EMC9: variants seen among roughly 807,000 people sequenced by gnomAD.
EMC9 encodes ER membrane protein complex subunit 9.
EMC9 carries 20 observed loss-of-function variants against 25.0 expected under a neutral mutation model. The observed-to-expected ratio is 0.80, with a 90% CI of 0.56 to 1.16. EMC9 has a LOEUF of 1.16. Among genes scored for constraint, EMC9 ranks in the 50% most tolerant of loss-of-function variants. The pLI, the probability that EMC9 is intolerant of heterozygous loss-of-function variation, is 0.00. For missense variants in EMC9, 256 were observed against 268.7 expected (o/e 0.95, Z 0.33); for synonymous variants, 100 against 107.0 (o/e 0.93, Z 0.40).
At position 24,139,658 on chromosome 14, in the gene EMC9, C is replaced by G; in HGVS notation, c.276-44G>C. On this transcript the variant is annotated intron_variant, in intron 3 of 5. Coordinates refer to ENST00000216799, the MANE Select transcript of EMC9 (RefSeq NM_016049.4). This position sits in a 1 kb window ranked among gnomAD's most constrained non-coding sequence, Gnocchi z 4.6. Reference sequence around the variant, plus strand: ...AGAGGAGTGAGGAGCCAACTGTGGGCAAAACCCATCCATTTGAGCTGGGCC... The same window carrying G: ...AGAGGAGTGAGGAGCCAACTGTGGGGAAAACCCATCCATTTGAGCTGGGCC... The G allele has an allele frequency of 6.3e-7, 1 of 1,599,750 alleles. No individual in the cohort carries two copies.
chr14:24,140,992 A>G (rs1193527371), intron 2 of EMC9, 27 bp from the exon 3 acceptor site: 4 of 1,614,080 alleles, frequency 2.5e-6, no homozygotes, highest in Non-Finnish European at 3.4e-6. Context: ...GCCATCAGTA[A>G]TTAAATTGTG....
In EMC9 at chr14:24,139,261, G is replaced by A. The variant is rs775553452; in HGVS notation, c.441-65C>T. The A allele has an allele frequency of 1.3e-5, 21 of 1,602,202 alleles. 1 individual carries two copies. The highest frequency in any genetic ancestry group is 1.7e-5 in the Non-Finnish European group (20 of 1,171,496). On this transcript the variant is annotated intron_variant, in intron 5 of 5. Transcript: ENST00000216799. The surrounding 1 kb of genome is among the most constrained non-coding windows in gnomAD (Gnocchi z 4.6). Reference sequence around the variant, plus strand: ...TGGGTCCAGACACAGACTTAACAGAGATTGGGTCTAGAGAAAGACCCTTGG... The same window carrying A: ...TGGGTCCAGACACAGACTTAACAGAAATTGGGTCTAGAGAAAGACCCTTGG...
Position 24,140,940 on chromosome 14 carries a change from C to A in EMC9, c.224G>T (p.Gly75Val), listed in dbSNP as rs1404651703. The A allele has an allele frequency of 6.2e-7, 1 of 1,614,268 alleles. No homozygotes were observed. Among genetic ancestry groups the A allele is most frequent in the Non-Finnish European group, 8.5e-7 (1 of 1,180,052 alleles). The change falls in exon 3 of 6, where the codon GGT becomes GTT. Residue 75 changes from glycine to valine, a missense_variant. Transcript: ENST00000216799. ...NQVDVWGAQA[G>V]LVVAGYYHAN... is the part of the protein sequence containing the mutation. ...ATGGTAGTAACCAGCCACCACCAGA[C>A]CGGCCTGTGCTCCCCACACATCCAC...
At chr14:24,140,220 C>A (rs2038020225) in intron 3 of EMC9, 2 of 152,516 alleles carry the variant, frequency 1.3e-5, no homozygotes, top group South Asian at 4.0e-4. Flanking sequence ...TTTGAAGTTG[C>A]TGGTTGGGAT....
Position 24,139,692 on chromosome 14 carries a change from C to A in EMC9, c.276-78G>T, listed in dbSNP as rs2038003305. The A allele has an allele frequency of 4.5e-6, 7 of 1,568,644 alleles. No homozygotes were observed. Among genetic ancestry groups the A allele is most frequent in the Non-Finnish European group, 6.1e-6 (7 of 1,156,928 alleles). On this transcript the variant is annotated intron_variant, in intron 3 of 5. Transcript: ENST00000216799. The surrounding 1 kb of genome is among the most constrained non-coding windows in gnomAD (Gnocchi z 4.6). Reference sequence around the variant, plus strand: ...TCCATTTGAGCTGGGCCTCCCAGGTCTCATAGGTGTGGGCGCAGCTGTGGC... The same window carrying A: ...TCCATTTGAGCTGGGCCTCCCAGGTATCATAGGTGTGGGCGCAGCTGTGGC...
In EMC9 at chr14:24,141,440, C is replaced by A; in HGVS notation, c.-15G>T. ...GACCCTTCCCCGTGCCCTCTCACTT[C>A]GGTTCGGCGACAACGCTAACTCGAC... On this transcript the variant is annotated splice_region_variant and 5_prime_UTR_variant, in exon 1 of 6. Transcript: ENST00000216799. 1 of 956,240 alleles carries A rather than the reference C, an allele frequency of 1.0e-6. No homozygotes were observed. Among genetic ancestry groups the A allele is most frequent in the Non-Finnish European group, 1.6e-6 (1 of 638,470 alleles). The allele number at this position is 956,240 out of a possible 1,614,324, so 59.2% of individuals were successfully genotyped here.
intron 3 of EMC9, chr14:24,140,029 C>G: frequency 2.8e-6 from 1 of 356,158 alleles, no homozygotes; most frequent in Non-Finnish European, 5.5e-6. Context: ...CATATTCAGA[C>G]TATATAGCTG....
At chr14:24,140,066 G>A in intron 3 of EMC9, 2 of 295,844 alleles carry the variant, frequency 6.8e-6, no homozygotes, top group African/African-American at 2.2e-5. Context: ...TGTGGAAATG[G>A]GATGATGTCA....
In EMC9 at chr14:24,140,957, C is replaced by A. The variant is rs1269668428; in HGVS notation, c.207G>T (p.Val69=). 4.3e-6 allele frequency: 7 copies of A among 1,614,152 alleles called. No individual in the cohort carries two copies. The Admixed American group carries it at 1.0e-4, about 23-fold the overall frequency. The change falls in exon 3 of 6, where the codon GTG becomes GTT. Residue 69 remains valine, a synonymous_variant. Coordinates refer to ENST00000216799, the MANE Select transcript of EMC9 (RefSeq NM_016049.4). ...CCACCAGACCGGCCTGTGCTCCCCA[C>A]ACATCCACCTGTCGTAGGAAAGGGG... ...MLEVALNQVD[V]WGAQAGLVVA... is the part of the protein sequence containing the mutation.
chr14:24,141,165 A>C lies in EMC9; in HGVS notation c.140T>G (p.Val47Gly). ...GGCCAGGTGGCTGTGGAAGAGGGGC[A>C]CACAGTCGGTGAGGCACAGGCATTC... ...SGECLCLTDC[V>G]PLFHSHLALS... The change falls in exon 2 of 6, where the codon GTG becomes GGG. Residue 47 changes from valine (V) to glycine (G), a missense_variant. Physicochemically the swap from Val to Gly is moderately radical, Grantham distance 109. Transcript: ENST00000216799. 2 of 1,614,124 alleles carry C rather than the reference A, an allele frequency of 1.2e-6. No individual in the cohort carries two copies. Among genetic ancestry groups the C allele is most frequent in the Non-Finnish European group, 1.7e-6 (2 of 1,180,040 alleles).
At position 24,141,431 on chromosome 14, in the gene EMC9, C is replaced by T. The variant is rs2038060120; in HGVS notation, c.-13+7G>A. ...ACGCTCTTTGACCCTTCCCCGTGCC[C>T]TCTCACTTCGGTTCGGCGACAACGC... On this transcript the variant is annotated splice_region_variant and intron_variant, in intron 1 of 5. Transcript: ENST00000216799. 3 of 1,008,580 alleles carry T rather than the reference C, an allele frequency of 3.0e-6. No individual in the cohort carries two copies. Among genetic ancestry groups the T allele is most frequent in the South Asian group, 2.9e-5 (2 of 67,974 alleles). The allele number at this position is 1,008,580 out of a possible 1,614,324, so 62.5% of individuals were successfully genotyped here.
Position 24,140,908 on chromosome 14 carries a change from C to T in EMC9, c.256G>A (p.Ala86Thr), listed in dbSNP as rs1263756759. The change falls in exon 3 of 6, where the codon GCA (alanine) becomes ACA (threonine). Residue 86 changes from alanine (A) to threonine (T), a missense_variant. Physicochemically the swap from Ala to Thr is moderately conservative, Grantham distance 58. Coordinates refer to ENST00000216799, the MANE Select transcript of EMC9 (RefSeq NM_016049.4). The part of the protein sequence containing the change: ...LVVAGYYHAN[A>T]AVNDQSPGPL... ...ACTCACCTCTGATCGTTCACAGCTG[C>T]ATTGGCATGGTAGTAACCAGCCACC... 2.2e-5 allele frequency: 35 copies of T among 1,614,234 alleles called. No homozygotes were observed. Among genetic ancestry groups the T allele is most frequent in the East Asian group, 8.9e-5 (4 of 44,888 alleles).
intron 1 of EMC9, 56 bp downstream of exon 1, chr14:24,141,382 T>C: frequency 6.8e-7 from 1 of 1,475,504 alleles, no homozygotes; most frequent in Admixed American, 1.7e-5. Flanking sequence ...CTCGCGTCCG[T>C]GAAGCTCCCT....
chr14:24,141,172 C>T lies in EMC9; in HGVS notation c.133G>A (p.Asp45Asn). 1.2e-6 allele frequency: 2 copies of T among 1,614,128 alleles called. No individual in the cohort carries two copies. The highest frequency in any genetic ancestry group is 1.7e-6 in the Non-Finnish European group (2 of 1,180,056). Reference protein sequence around the residue: ...PRSGECLCLTDCVPLFHSHLA... With the variant: ...PRSGECLCLTNCVPLFHSHLA... ...TGGCTGTGGAAGAGGGGCACACAGT[C>T]GGTGAGGCACAGGCATTCTCCAGAC... Residue 45 changes from aspartate (D) to asparagine (N), a missense_variant, in exon 2 of 6, where the codon GAC (aspartate) becomes AAC (asparagine). Transcript: ENST00000216799.
chr14:24,139,685 C>A lies in EMC9; in HGVS notation c.276-71G>T. 6.4e-7 allele frequency: 1 copy of A among 1,574,192 alleles called. No homozygotes were observed. Among genetic ancestry groups the A allele is most frequent in the Non-Finnish European group, 8.6e-7 (1 of 1,159,800 alleles). ...AAACCCATCCATTTGAGCTGGGCCT[C>A]CCAGGTCTCATAGGTGTGGGCGCAG... On this transcript the variant is annotated intron_variant, in intron 3 of 5. Coordinates refer to ENST00000216799, the MANE Select transcript of EMC9 (RefSeq NM_016049.4). The surrounding 1 kb of genome is among the most constrained non-coding windows in gnomAD (Gnocchi z 4.6).
chr14:24,141,348 CG>C, intron 1 of EMC9, 32 bp from the exon 2 acceptor site: 2 of 1,602,430 alleles, frequency 1.2e-6, no homozygotes, highest in Non-Finnish European at 1.7e-6. Flanking sequence ...GGATTAGTAC[CG>C]GATTAGGCGA....
Position 24,139,552 on chromosome 14 carries a change from A to T in EMC9, c.338T>A (p.Leu113His). The change falls in exon 4 of 6, where the codon CTT (leucine) becomes CAT (histidine). Residue 113 changes from leucine (L) to histidine (H), a missense_variant. Coordinates refer to ENST00000216799, the MANE Select transcript of EMC9 (RefSeq NM_016049.4). The surrounding 1 kb of genome is among the most constrained non-coding windows in gnomAD (Gnocchi z 4.6). The stretch of plus-strand genomic sequence containing the variant: ...CAGAAACCCAAGCCTCACCATAATA[A>T]GTACTGCATCAGGGAAGAATTCTGC... ...RIAEFFPDAV[L>H]IMLDNQKLVP... The T allele has an allele frequency of 6.2e-7, 1 of 1,613,890 alleles. No individual in the cohort carries two copies. Among genetic ancestry groups the T allele is most frequent in the East Asian group, 2.2e-5 (1 of 44,890 alleles).
chr14:24,139,537 A>G lies in EMC9; in HGVS notation c.345+8T>C, dbSNP rs1370457296. ...TTTCACCTCCCCACCCAGAAACCCA[A>G]GCCTCACCATAATAAGTACTGCATC... On this transcript the variant is annotated splice_region_variant and intron_variant, in intron 4 of 5. Transcript: ENST00000216799. The surrounding 1 kb of genome is among the most constrained non-coding windows in gnomAD (Gnocchi z 4.6). 6.2e-7 allele frequency: 1 copy of G among 1,613,350 alleles called. No homozygotes were observed. Among genetic ancestry groups the G allele is most frequent in the African/African-American group, 1.3e-5 (1 of 74,984 alleles).
At position 24,139,421 on chromosome 14, in the gene EMC9, C is replaced by G; in HGVS notation, c.379G>C (p.Val127Leu). Residue 127 changes from valine to leucine, a missense_variant, in exon 5 of 6, where the codon GTG (valine) becomes CTG (leucine). By Grantham distance (32) the Val-to-Leu change is conservative. Transcript: ENST00000216799. This position sits in a 1 kb window ranked among gnomAD's most constrained non-coding sequence, Gnocchi z 4.6. Reference protein sequence around the residue: ...DNQKLVPQPRVPPVIVLENQG... With the variant: ...DNQKLVPQPRLPPVIVLENQG... Reference sequence around the variant, plus strand: ...TTCTCCAGGACGATGACCGGGGGCACACGAGGCTGAGGCACCAGTTTCTGA... The same window carrying G: ...TTCTCCAGGACGATGACCGGGGGCAGACGAGGCTGAGGCACCAGTTTCTGA... The G allele has an allele frequency of 5.0e-6, 8 of 1,614,166 alleles. No homozygotes were observed. The highest frequency in any genetic ancestry group is 5.9e-6 in the Non-Finnish European group (7 of 1,180,038).
Sources: allele counts gnomAD v4.1 joint callset, GRCh38; gene constraint gnomAD v4.1.1; non-coding constraint Gnocchi (gnomAD v3.1); transcripts MANE v1.5; gene names NCBI Gene and HGNC (gene_info 2026-07-23, HGNC 2026-07-21).